BPTF: variants seen among roughly 807,000 people sequenced by gnomAD.
The protein encoded by BPTF is nucleosome-remodeling factor subunit BPTF.
A neutral mutation model predicts 292.5 loss-of-function variants in BPTF; 18 were observed. That is an observed-to-expected ratio of 0.06 (90% confidence interval 0.04 to 0.09). The LOEUF (loss-of-function observed/expected upper bound fraction) is 0.09. Ranked by LOEUF, BPTF falls within the 10% of genes least tolerant of loss-of-function variation. The pLI is 1.00. For synonymous variants in BPTF, 1,225 were observed against 1,251.9 expected (o/e 0.98, Z 0.45); for missense variants, 2,726 against 3,498.7 (o/e 0.78, Z 5.57).
At chr17:67,851,649 A>G (rs1306288550) in intron 1 of BPTF, among the ~76,000 whole-genome samples, 1 of 152,210 alleles carries the variant, frequency 6.6e-6, no homozygotes, top group South Asian at 2.1e-4. Context: ...GATGTAAAAT[A>G]TATTTCTTAC....
At chr17:67,949,153 C>A (rs979684615) in intron 23 of BPTF, among the ~76,000 whole-genome samples, 1 of 152,114 alleles carries the variant, frequency 6.6e-6, no homozygotes, top group Admixed American at 6.6e-5. Context: ...ATTGTTTGAG[C>A]CCAGGAGTTC....
chr17:67,890,213 G>A (rs2061021380), intron 4 of BPTF, among the ~76,000 whole-genome samples: 1 of 152,074 alleles, frequency 6.6e-6, no homozygotes, highest in South Asian at 2.1e-4. Flanking sequence ...GCTTAAAAAG[G>A]GAATTTTATT....
At position 67,912,736 on chromosome 17, in the gene BPTF, G is replaced by A; in HGVS notation, c.4852G>A (p.Glu1618Lys). The A allele has an allele frequency of 6.2e-7, 1 of 1,614,068 alleles. No homozygotes were observed. Among genetic ancestry groups the A allele is most frequent in the Non-Finnish European group, 8.5e-7 (1 of 1,180,026 alleles). ...TAAGCAAACTGTGGTTTCTTCCACA[G>A]AAAATTGTGCAAAATCCACTGTCAC... ...GDKQTVVSST[E>K]NCAKSTVTTT... Residue 1618 changes from glutamate to lysine, a missense_variant, in exon 11 of 28, where the codon GAA (glutamate) becomes AAA (lysine). This residue lies in a region of BPTF where 144 missense variants were observed against 177.2 expected (regional missense o/e 0.81). Coordinates refer to ENST00000306378, the MANE Select transcript of BPTF (RefSeq NM_182641.4).
intron 1 of BPTF, among the ~76,000 whole-genome samples, chr17:67,845,852 G>T (rs2057992172): frequency 6.6e-6 from 1 of 150,488 alleles, no homozygotes; most frequent in African/African-American, 2.4e-5. Context: ...AAAAACAGGG[G>T]ATCTTTATGT....
chr17:67,918,450 T>C (rs1401487832), intron 11 of BPTF, among the ~76,000 whole-genome samples: 1 of 152,178 alleles, frequency 6.6e-6, no homozygotes, highest in Non-Finnish European at 1.5e-5. Flanking sequence ...AATGAAACAT[T>C]CTCATTTTAT....
chr17:67,928,208 A>G, intron 15 of BPTF, 147 bp from the exon 16 acceptor site: 1 of 875,126 alleles, frequency 1.1e-6, no homozygotes, highest in Non-Finnish European at 1.7e-6. Flanking sequence ...ATTTATATGG[A>G]CATATATTCT....
At chr17:67,953,519 A>G (rs1362616765) in intron 23 of BPTF, among the ~76,000 whole-genome samples, 1 of 151,264 alleles carries the variant, frequency 6.6e-6, no homozygotes, top group Admixed American at 6.6e-5. Context: ...CAGCCTCCCA[A>G]AGTGCTAGGA....
At chr17:67,966,830 G>A (rs1316824507) in intron 26 of BPTF, among the ~76,000 whole-genome samples, 174 bp downstream of exon 26, 6 of 152,058 alleles carry the variant, frequency 3.9e-5, no homozygotes, top group African/African-American at 7.2e-5. Flanking sequence ...GGCCGGGTGC[G>A]GTGGCTCACG....
At position 67,891,947 on chromosome 17, in the gene BPTF, T is replaced by C; in HGVS notation, c.1968T>C (p.Asn656=). Residue 656 remains asparagine, a synonymous_variant, in exon 5 of 28, where the codon AAT becomes AAC. Transcript: ENST00000306378. ...CTCGAATCATCACCAGATTGCGGAA[T>C]CCAGATAGCAAACTTAGTCAGCTGA... The part of the protein sequence containing the change: ...GSTRIITRLR[N]PDSKLSQLKS... 1 of 1,613,098 alleles carries C rather than the reference T, an allele frequency of 6.2e-7. No homozygotes were observed. Among genetic ancestry groups the C allele is most frequent in the Non-Finnish European group, 8.5e-7 (1 of 1,179,636 alleles).
intron 4 of BPTF, among the ~76,000 whole-genome samples, chr17:67,888,658 T>C (rs1341716148): frequency 2.7e-5 from 4 of 148,320 alleles, no homozygotes; most frequent in Non-Finnish European, 6.0e-5. Flanking sequence ...GATCTCACAA[T>C]CCATGAGCCA....
At chr17:67,910,030 A>C (rs1041795325) in intron 10 of BPTF, among the ~76,000 whole-genome samples, 1 of 151,952 alleles carries the variant, frequency 6.6e-6, no homozygotes, top group African/African-American at 2.4e-5. Context: ...TTACTTCCCA[A>C]CCCCTCCCGA....
intron 23 of BPTF, among the ~76,000 whole-genome samples, chr17:67,952,725 G>T (rs2148109669): frequency 6.6e-6 from 1 of 152,192 alleles, no homozygotes; most frequent in East Asian, 1.9e-4. Context: ...AAAGTCCATA[G>T]TTTACATTAA....
chr17:67,873,657 A>G (rs2059887498), intron 3 of BPTF, among the ~76,000 whole-genome samples: 1 of 152,196 alleles, frequency 6.6e-6, no homozygotes, highest in Admixed American at 6.5e-5. Context: ...GAAGTTACAG[A>G]TAAGCAAGTG....
intron 1 of BPTF, among the ~76,000 whole-genome samples, chr17:67,851,664 G>A (rs897619021): frequency 3.3e-5 from 5 of 152,160 alleles, no homozygotes; most frequent in African/African-American, 1.2e-4. Flanking sequence ...TCTTACTTTG[G>A]TTGTGGGCAA....
intron 4 of BPTF, among the ~76,000 whole-genome samples, chr17:67,888,977 G>C (rs145741599): frequency 4.6e-5 from 7 of 152,188 alleles, no homozygotes; most frequent in Non-Finnish European, 1.0e-4. Flanking sequence ...TTAATGCCCA[G>C]TAACTTGCTT....
At chr17:67,896,771 A>G (rs2061481329) in intron 7 of BPTF, among the ~76,000 whole-genome samples, 1 of 152,240 alleles carries the variant, frequency 6.6e-6, no homozygotes, top group Non-Finnish European at 1.5e-5. Flanking sequence ...AAAGTACTAC[A>G]TACATTGAAA....
chr17:67,838,886 C>A (rs1357124111), intron 1 of BPTF, among the ~76,000 whole-genome samples: 1 of 152,182 alleles, frequency 6.6e-6, no homozygotes, highest in Non-Finnish European at 1.5e-5. Flanking sequence ...AAAATACCTG[C>A]TCTGCTGGGG....
At chr17:67,958,861 G>A (rs558924070) in intron 23 of BPTF, among the ~76,000 whole-genome samples, 12 of 152,334 alleles carry the variant, frequency 7.9e-5, no homozygotes, top group Non-Finnish European at 1.2e-4. Flanking sequence ...CAGCTACTTG[G>A]GAGGCTGAGG....
rs2068957472 is a variant in BPTF at position 67,973,052 on chromosome 17, TTTTA to T, written c.8540-2718_8540-2715del. Among the ~76,000 whole-genome samples, 4 of 144,448 alleles carry T rather than the reference TTTTA, an allele frequency of 2.8e-5. No individual in the cohort carries two copies. The Admixed American group carries it at 2.8e-4, about 10-fold the overall frequency. 94.8% of individuals were successfully genotyped at this position (144,448 alleles called of 152,430 possible). A position where few individuals can be genotyped will look rare whatever the true frequency, so the allele number is the denominator to read the frequency against. On this transcript the variant is annotated intron_variant, in intron 26 of 27. Coordinates refer to ENST00000306378, the MANE Select transcript of BPTF (RefSeq NM_182641.4). ...ATATATATATTTATATATATATATATTTTATATATATATAAATATATATATAATA... is the reference window on the plus strand; with the variant it reads ...ATATATATATTTATATATATATATATTATATATATAAATATATATATAATA...
Sources: gnomAD v4.1 joint callset for allele counts (sites outside exome capture counted in the v4.1 genomes callset) on GRCh38, gnomAD v4.1.1 for gene constraint, gnomAD v4.1.1 regional missense constraint, MANE v1.5 for transcripts, NCBI Gene and HGNC (gene_info 2026-07-23, HGNC 2026-07-21) for gene names.